BMPR1B: variants seen among roughly 807,000 people sequenced by gnomAD.
BMPR1B encodes the protein bone morphogenetic protein receptor type 1B, also known as bone morphogenetic protein receptor type-1B.
In BMPR1B, 12 loss-of-function variants were observed where a neutral mutation model predicts 59.1. The ratio of observed to expected loss-of-function variants is 0.20; its 90% confidence interval spans 0.13 to 0.33. BMPR1B has a LOEUF of 0.33. BMPR1B is among the 10% of genes least tolerant of loss of function. BMPR1B has a pLI of 1.00. For synonymous variants in BMPR1B, 237 were observed against 207.3 expected, an observed-to-expected ratio of 1.14 and a Z score of -1.23; for missense variants, 550 against 610.9, an observed-to-expected ratio of 0.90 and a Z score of 1.05.
chr4:95,148,718 C>G (rs1734821256), intron 10 of BMPR1B, 30 bp from the exon 11 acceptor site: 1 of 1,605,992 alleles, frequency 6.2e-7, no homozygotes, highest in Non-Finnish European at 8.5e-7. Flanking sequence ...CTCTTCAATG[C>G]TGTAATGCTT....
At chr4:94,876,887 TC>T (rs1174293397) in intron 2 of BMPR1B, among the ~76,000 whole-genome samples, 1 of 152,218 alleles carries the variant, frequency 6.6e-6, no homozygotes, top group African/African-American at 2.4e-5. Context: ...ATAAATCTAC[TC>T]AGTAAAGTTT....
chr4:95,117,703 T>C (rs919418211), intron 6 of BMPR1B, among the ~76,000 whole-genome samples: 1 of 152,092 alleles, frequency 6.6e-6, no homozygotes, highest in Non-Finnish European at 1.5e-5. Context: ...GGAGGATCAC[T>C]TGAGCCCGGA....
intron 2 of BMPR1B, among the ~76,000 whole-genome samples, chr4:94,948,542 CAAGGAAA>C (rs1273398700): frequency 6.6e-6 from 1 of 152,062 alleles, no homozygotes; most frequent in African/African-American, 2.4e-5. Flanking sequence ...AGGCTAAAAG[CAAGGAAA>C]AAGGAAAAAC....
At chr4:95,050,478 A>T (rs1330961027) in intron 3 of BMPR1B, among the ~76,000 whole-genome samples, 1 of 152,072 alleles carries the variant, frequency 6.6e-6, no homozygotes, top group African/African-American at 2.4e-5. Context: ...CAAAACAAAA[A>T]AAACATTGTT....
intron 2 of BMPR1B, among the ~76,000 whole-genome samples, chr4:94,917,065 G>A (rs1371416241): frequency 2.0e-5 from 3 of 152,252 alleles, no homozygotes; most frequent in Non-Finnish European, 4.4e-5. Flanking sequence ...GCCTGTAGGT[G>A]CCCAGAACGA....
At chr4:95,070,157 G>C (rs1728170185) in intron 3 of BMPR1B, among the ~76,000 whole-genome samples, 1 of 152,136 alleles carries the variant, frequency 6.6e-6, no homozygotes, top group Non-Finnish European at 1.5e-5. Context: ...AATCTTAGCT[G>C]TGGTGTAAAG....
rs116385194 is a variant in BMPR1B, at chr4:94,917,751, T to C, written c.-113+41851T>C. On this transcript the variant is annotated intron_variant, in intron 2 of 12. Coordinates refer to ENST00000515059, the MANE Select transcript of BMPR1B (RefSeq NM_001203.3). The stretch of plus-strand genomic sequence containing the variant: ...ATGAGTTAAGACTGTTGGGAAGGCA[T>C]GATTATATTTTGCAGTGTGAGGAGG... 6.3e-3 allele frequency among the ~76,000 whole-genome samples: 965 copies of C among 152,230 alleles called. 12 individuals are homozygous for C. The highest frequency in any genetic ancestry group is 0.022 in the African/African-American group (915 of 41,534).
intron 1 of BMPR1B, among the ~76,000 whole-genome samples, chr4:94,773,689 A>G (rs1442721888): frequency 6.6e-6 from 1 of 152,226 alleles, no homozygotes; most frequent in African/African-American, 2.4e-5. Context: ...GATAAAAAAT[A>G]CGCAGAGGTT....
At chr4:95,153,081 G>C (rs370817597) in intron 12 of BMPR1B, among the ~76,000 whole-genome samples, 1 of 151,956 alleles carries the variant, frequency 6.6e-6, no homozygotes, top group African/African-American at 2.4e-5. Flanking sequence ...TTATTTCTCT[G>C]TGTGTGTTTT....
intron 11 of BMPR1B, among the ~76,000 whole-genome samples, chr4:95,151,777 A>G (rs774352629): frequency 1.3e-5 from 2 of 152,184 alleles, no homozygotes; most frequent in African/African-American, 2.4e-5. Context: ...TATTTCTATA[A>G]AAGATGATTT....
At chr4:94,768,900 G>A (rs901682291) in intron 1 of BMPR1B, among the ~76,000 whole-genome samples, 40 of 152,144 alleles carry the variant, frequency 2.6e-4, no homozygotes, top group African/African-American at 9.6e-4. Context: ...AAAATATATT[G>A]CAGATATAAC....
At chr4:95,014,066 G>A (rs1723404991) in intron 3 of BMPR1B, among the ~76,000 whole-genome samples, 1 of 152,150 alleles carries the variant, frequency 6.6e-6, no homozygotes, top group East Asian at 1.9e-4. Flanking sequence ...AGTCTGTTTT[G>A]TTTATTACTG....
intron 1 of BMPR1B, among the ~76,000 whole-genome samples, chr4:94,840,986 G>A (rs1357345909): frequency 6.8e-6 from 1 of 146,882 alleles, no homozygotes; most frequent in African/African-American, 2.5e-5. Flanking sequence ...CTAACAGACA[G>A]GACCCTCAGC....
At chr4:94,886,508 A>G (rs1050393736) in intron 2 of BMPR1B, among the ~76,000 whole-genome samples, 14 of 152,216 alleles carry the variant, frequency 9.2e-5, no homozygotes, top group Non-Finnish European at 1.6e-4. Context: ...TTATGCTACA[A>G]AATTGTTGAA....
intron 2 of BMPR1B, among the ~76,000 whole-genome samples, chr4:94,894,515 G>A (rs1727516623): frequency 6.6e-6 from 1 of 151,764 alleles, no homozygotes; most frequent in African/African-American, 2.4e-5. Context: ...TAGTCTCAGG[G>A]CAATGTTGTG....
chr4:94,970,169 C>G (rs1481774337), intron 2 of BMPR1B, among the ~76,000 whole-genome samples: 1 of 152,036 alleles, frequency 6.6e-6, no homozygotes, highest in Non-Finnish European at 1.5e-5. Context: ...CTAGGATATT[C>G]TATTGAATAT....
At chr4:94,847,511 A>G (rs1366117046) in intron 1 of BMPR1B, among the ~76,000 whole-genome samples, 3 of 152,224 alleles carry the variant, frequency 2.0e-5, no homozygotes, top group Non-Finnish European at 2.9e-5. Context: ...CACTGTTCAC[A>G]ATAGTCAAGA....
At chr4:94,991,577 A>G (rs1472216749) in intron 2 of BMPR1B, among the ~76,000 whole-genome samples, 1 of 152,170 alleles carries the variant, frequency 6.6e-6, no homozygotes, top group Admixed American at 6.5e-5. Flanking sequence ...TCTCTGCAAG[A>G]ACATATAGCA....
At chr4:94,784,470 T>C (rs1021434517) in intron 1 of BMPR1B, among the ~76,000 whole-genome samples, 1 of 152,204 alleles carries the variant, frequency 6.6e-6, no homozygotes, top group Admixed American at 6.5e-5. Flanking sequence ...ATTTGAATAG[T>C]TTTTCAAAAT....
Sources: gnomAD v4.1 joint callset for allele counts (sites outside exome capture counted in the v4.1 genomes callset) on GRCh38, gnomAD v4.1.1 for gene constraint, MANE v1.5 for transcripts, NCBI Gene and HGNC (gene_info 2026-07-23, HGNC 2026-07-21) for gene names.